The following SLCO2A1 variants were observed in gnomAD, a reference collection of about 807,000 sequenced individuals.
The protein encoded by SLCO2A1 is matrin F/G 1.
In SLCO2A1, 60 loss-of-function variants were observed where a neutral mutation model predicts 71.7. The observed-to-expected ratio is 0.84, with a 90% CI of 0.68 to 1.04. The LOEUF is 1.04. Among genes scored for constraint, SLCO2A1 ranks in the 50% least tolerant of loss-of-function variants. SLCO2A1 has a pLI of 0.00. For synonymous variants in SLCO2A1, 308 were observed against 326.7 expected (o/e 0.94, Z 0.62); for missense variants, 745 against 813.4 (o/e 0.92, Z 1.02).
chr3:133,978,551 GT>G (rs1345241101), intron 2 of SLCO2A1, among the ~76,000 whole-genome samples: 1 of 152,168 alleles, frequency 6.6e-6, no homozygotes, highest in Admixed American at 6.5e-5. Context: ...TTACAGTTCT[GT>G]TTTGGCCAGA....
At chr3:133,979,400 C>A in intron 2 of SLCO2A1, 81 bp downstream of exon 2, 1 of 1,565,484 alleles carries the variant, frequency 6.4e-7, no homozygotes, top group African/African-American at 1.4e-5. Flanking sequence ...CATCTCAGCC[C>A]CCTGTTCCTC....
intron 1 of SLCO2A1, among the ~76,000 whole-genome samples, chr3:134,019,748 G>A (rs1029917562): frequency 2.0e-5 from 3 of 152,026 alleles, no homozygotes; most frequent in Non-Finnish European, 2.9e-5. Context: ...GGCTTTATCC[G>A]CTTCCCCTAA....
intron 2 of SLCO2A1, among the ~76,000 whole-genome samples, chr3:133,979,027 C>T (rs1025082712): frequency 2.0e-5 from 3 of 152,164 alleles, no homozygotes; most frequent in African/African-American, 7.2e-5. Flanking sequence ...GGGCTGCTGA[C>T]CCACCTGCAT....
intron 11 of SLCO2A1, among the ~76,000 whole-genome samples, chr3:133,939,693 AT>A: frequency 6.6e-6 from 1 of 152,228 alleles, no homozygotes; most frequent in Admixed American, 6.5e-5. Context: ...CCAGTTCATA[AT>A]AGATACCTGC....
At chr3:134,013,084 G>C (rs1935373035) in intron 1 of SLCO2A1, among the ~76,000 whole-genome samples, 1 of 152,150 alleles carries the variant, frequency 6.6e-6, no homozygotes, top group Non-Finnish European at 1.5e-5. Context: ...AGGGAGCCAA[G>C]TATAAACAGC....
At chr3:133,984,218 T>C (rs1045653356) in intron 1 of SLCO2A1, among the ~76,000 whole-genome samples, 1 of 152,164 alleles carries the variant, frequency 6.6e-6, no homozygotes, top group African/African-American at 2.4e-5. Context: ...CTGAAAGACA[T>C]GCCTCTAAGT....
chr3:134,013,227 A>G (rs1286773797), intron 1 of SLCO2A1, among the ~76,000 whole-genome samples: 1 of 152,356 alleles, frequency 6.6e-6, no homozygotes, highest in Middle Eastern at 3.4e-3. Flanking sequence ...TATCAGTCTC[A>G]GCTCCCAGAC....
At chr3:133,993,471 C>A (rs1189005546) in intron 1 of SLCO2A1, among the ~76,000 whole-genome samples, 1 of 151,730 alleles carries the variant, frequency 6.6e-6, no homozygotes, top group African/African-American at 2.4e-5. Context: ...GCTTTAGATA[C>A]CACAGATTGA....
chr3:133,959,549 G>T lies in SLCO2A1; in HGVS notation c.398-4356C>A, dbSNP rs1446854617. 2.6e-5 allele frequency among the ~76,000 whole-genome samples: 4 copies of T among 152,120 alleles called. No homozygotes were observed. The East Asian group carries it at 7.7e-4, about 29-fold the overall frequency. ...TGAAAAATAGAATCATCAACACTGG[G>T]CGTGACGGCGCGCACCTGTAATCCC... On this transcript the variant is annotated intron_variant, in intron 3 of 13. Transcript: ENST00000310926.
chr3:133,941,427 G>A (rs930936115), intron 11 of SLCO2A1, among the ~76,000 whole-genome samples: 1 of 152,068 alleles, frequency 6.6e-6, no homozygotes, highest in African/African-American at 2.4e-5. Flanking sequence ...GCTCAATGAG[G>A]TTAGGCAACA....
At chr3:134,011,431 T>G (rs772594199) in intron 1 of SLCO2A1, among the ~76,000 whole-genome samples, 5 of 152,200 alleles carry the variant, frequency 3.3e-5, no homozygotes, top group Non-Finnish European at 4.4e-5. Context: ...GAAGGAGGCT[T>G]GAGCTGCTGT....
At chr3:134,008,003 A>T (rs1935253442) in intron 1 of SLCO2A1, among the ~76,000 whole-genome samples, 1 of 152,132 alleles carries the variant, frequency 6.6e-6, no homozygotes, top group Non-Finnish European at 1.5e-5. Context: ...TGTCATGTTG[A>T]TGGAAACCAT....
At chr3:133,989,469 A>G (rs919264735) in intron 1 of SLCO2A1, among the ~76,000 whole-genome samples, 2 of 151,480 alleles carry the variant, frequency 1.3e-5, no homozygotes, top group African/African-American at 4.9e-5. Context: ...CACACTGACA[A>G]CCCCCCTGGA....
At chr3:133,979,050 T>A (rs1934523044) in intron 2 of SLCO2A1, among the ~76,000 whole-genome samples, 1 of 152,154 alleles carries the variant, frequency 6.6e-6, no homozygotes, top group South Asian at 2.1e-4. Flanking sequence ...CTGGGGCTTA[T>A]CCTCTCTAGA....
intron 7 of SLCO2A1, 30 bp from the exon 8 acceptor site, chr3:133,948,730 C>T: frequency 6.2e-7 from 1 of 1,608,458 alleles, no homozygotes; most frequent in Non-Finnish European, 8.5e-7. Context: ...AAGGCTCTGG[C>T]AGAACCCCTG....
chr3:134,028,454 T>C (rs1935740864), intron 1 of SLCO2A1, among the ~76,000 whole-genome samples: 1 of 152,208 alleles, frequency 6.6e-6, no homozygotes, highest in African/African-American at 2.4e-5. Context: ...TTCTGTTGCT[T>C]ATCCATATAC....
intron 12 of SLCO2A1, among the ~76,000 whole-genome samples, chr3:133,938,049 A>G (rs1423134877): frequency 1.3e-5 from 2 of 152,226 alleles, no homozygotes; most frequent in Non-Finnish European, 2.9e-5. Context: ...ATTTTGTAAA[A>G]TGGAAAGGAA....
chr3:133,962,023 C>T (rs115448543), intron 3 of SLCO2A1, among the ~76,000 whole-genome samples: 1 of 152,188 alleles, frequency 6.6e-6, no homozygotes, highest in African/African-American at 2.4e-5. Flanking sequence ...TGGCAGTGGG[C>T]GGCCCTGGCT....
In SLCO2A1 at chr3:133,934,728, C is replaced by T. The variant is rs138783423; in HGVS notation, c.1917G>A (p.Ala639=). The T allele has an allele frequency of 2.5e-5, 41 of 1,613,344 alleles. No homozygotes were observed. Among genetic ancestry groups the T allele is most frequent in the African/African-American group, 1.1e-4 (8 of 74,906 alleles). Residue 639 remains alanine (A), a synonymous_variant, in exon 14 of 14, where the codon GCG becomes GCA. Coordinates refer to ENST00000310926, the MANE Select transcript of SLCO2A1 (RefSeq NM_005630.3). The part of the protein sequence containing the change: ...KKNKEYNVQK[A]AGLI ...CAGGGTGGGGTCAGATGAGGCCTGC[C>T]GCCTTCTGCACGTTGTACTCCTTGT... is the stretch of plus-strand genomic sequence containing the variant.
Sources: gnomAD v4.1 joint callset for allele counts (sites outside exome capture counted in the v4.1 genomes callset) on GRCh38, gnomAD v4.1.1 for gene constraint, MANE v1.5 for transcripts, NCBI Gene and HGNC (gene_info 2026-07-23, HGNC 2026-07-21) for gene names.